Variants in SLC35F3 observed in about 807,000 individuals in gnomAD.
The protein encoded by SLC35F3 is putative thiamine transporter SLC35F3.
A neutral mutation model predicts 49.9 loss-of-function variants in SLC35F3; 25 were observed. The ratio of observed to expected loss-of-function variants is 0.50; its 90% confidence interval spans 0.37 to 0.70. SLC35F3 has a LOEUF of 0.70. SLC35F3 is among the 30% of genes least tolerant of loss of function. SLC35F3 has a pLI of 0.00. For synonymous variants in SLC35F3, 275 were observed against 265.4 expected (o/e 1.04, Z -0.35); for missense variants, 525 against 639.8 (o/e 0.82, Z 1.94).
chr1:234,239,071 C>T (rs1019153533), intron 3 of SLC35F3, among the ~76,000 whole-genome samples: 2 of 152,150 alleles, frequency 1.3e-5, no homozygotes, highest in African/African-American at 2.4e-5. Context: ...GACTTTTATG[C>T]GGTCATGATA....
At chr1:234,155,792 A>AC (rs1553310216) in intron 2 of SLC35F3, among the ~76,000 whole-genome samples, 1 of 150,870 alleles carries the variant, frequency 6.6e-6, no homozygotes, top group African/African-American at 2.4e-5. Context: ...CAAAAAAAAA[A>AC]CCCCAAAAAC....
chr1:234,004,164 T>A lies in SLC35F3; in HGVS notation c.283+98406T>A, dbSNP rs1282586539. ...ACGACAAATGGGAATGTTCTCTACA[T>A]CATTATAACAGCAAAAAATTAGAAA... On this transcript the variant is annotated intron_variant, in intron 2 of 7. Coordinates refer to ENST00000366618, the MANE Select transcript of SLC35F3 (RefSeq NM_173508.4). Among the ~76,000 whole-genome samples the A allele has an allele frequency of 2.0e-5, 3 of 152,262 alleles. No homozygotes were observed. The East Asian group carries it at 5.8e-4, about 29-fold the overall frequency.
At chr1:234,293,804 A>T (rs1570104) in intron 3 of SLC35F3, among the ~76,000 whole-genome samples, 50,836 of 152,144 alleles carry the variant, frequency 0.33, 8,910 homozygotes, top group East Asian at 0.54. Flanking sequence ...GACCCCATCC[A>T]TAAGCATTCT....
chr1:234,015,081 C>T (rs1663780824), intron 2 of SLC35F3, among the ~76,000 whole-genome samples: 2 of 152,178 alleles, frequency 1.3e-5, no homozygotes. Context: ...TACAGTGGCT[C>T]ATGCCTGTAA....
chr1:234,126,586 GCCCTTT>G (rs1441552776), intron 2 of SLC35F3, among the ~76,000 whole-genome samples: 1 of 151,600 alleles, frequency 6.6e-6, no homozygotes, highest in Non-Finnish European at 1.5e-5. Context: ...GCTCCCTCTT[GCCCTTT>G]CATAAGTGCA....
intron 2 of SLC35F3, among the ~76,000 whole-genome samples, chr1:234,059,713 C>T (rs1043693827): frequency 6.6e-6 from 1 of 152,116 alleles, no homozygotes; most frequent in African/African-American, 2.4e-5. Flanking sequence ...TACTTATCAA[C>T]TTACATGATC....
chr1:234,277,462 ATC>A (rs545549114), intron 3 of SLC35F3, among the ~76,000 whole-genome samples: 71 of 152,382 alleles, frequency 4.7e-4, no homozygotes, highest in African/African-American at 1.7e-3. Context: ...CACACTGGCC[ATC>A]TCAGCACGAC....
In SLC35F3 at chr1:234,320,001, C is replaced by T; in HGVS notation, c.1148-97C>T. On this transcript the variant is annotated intron_variant, in intron 6 of 7. Coordinates refer to ENST00000366618, the MANE Select transcript of SLC35F3 (RefSeq NM_173508.4). The surrounding 1 kb of genome is among the most constrained non-coding windows in gnomAD (Gnocchi z 4.8). Reference sequence around the variant, plus strand: ...AGGGTCATTGTAACTCCTATGACTCCAGCCTCATCAGGAAAACCTGGGTCA... The same window carrying T: ...AGGGTCATTGTAACTCCTATGACTCTAGCCTCATCAGGAAAACCTGGGTCA... 1.2e-6 allele frequency: 1 copy of T among 800,194 alleles called. No homozygotes were observed. The highest frequency in any genetic ancestry group is 2.2e-6 in the Non-Finnish European group (1 of 459,188). The allele number at this position is 800,194 out of a possible 1,614,324, so 49.6% of individuals were successfully genotyped here.
chr1:234,123,017 G>C lies in SLC35F3; in HGVS notation c.284-108400G>C, dbSNP rs569332084. Among the ~76,000 whole-genome samples, 14 of 152,130 alleles carry C rather than the reference G, an allele frequency of 9.2e-5. No individual in the cohort carries two copies. The South Asian group carries it at 2.7e-3, about 29-fold the overall frequency. On this transcript the variant is annotated intron_variant, in intron 2 of 7. Transcript: ENST00000366618. ...GATCGCTGGGTCAAATGGTATTTCTGGTTCTAGATCCTTGAGGAATTGCCA... is the reference window on the plus strand; with the variant it reads ...GATCGCTGGGTCAAATGGTATTTCTCGTTCTAGATCCTTGAGGAATTGCCA...
chr1:234,111,580 G>A (rs12728156), intron 2 of SLC35F3, among the ~76,000 whole-genome samples: 52,101 of 152,098 alleles, frequency 0.34, 10,913 homozygotes, highest in East Asian at 0.82. Flanking sequence ...GGCGTGAGCC[G>A]CTGCGCCCGG....
intron 2 of SLC35F3, among the ~76,000 whole-genome samples, chr1:233,977,801 A>G (rs1332594892): frequency 6.6e-6 from 1 of 152,152 alleles, no homozygotes; most frequent in African/African-American, 2.4e-5. Context: ...ATGCAGATAC[A>G]AGTCTTATAA....
chr1:234,169,485 C>T (rs977285702), intron 2 of SLC35F3, among the ~76,000 whole-genome samples: 2 of 152,198 alleles, frequency 1.3e-5, no homozygotes, highest in Non-Finnish European at 1.5e-5. Context: ...TGTGTCACAA[C>T]GGGCAGCCAG....
intron 2 of SLC35F3, among the ~76,000 whole-genome samples, chr1:234,060,977 A>G (rs1236070137): frequency 1.3e-5 from 2 of 152,188 alleles, no homozygotes; most frequent in African/African-American, 4.8e-5. Context: ...TGCTTTTTAC[A>G]TTACTTACGA....
At chr1:234,199,011 G>C (rs1666856630) in intron 2 of SLC35F3, among the ~76,000 whole-genome samples, 1 of 150,604 alleles carries the variant, frequency 6.6e-6, no homozygotes, top group South Asian at 2.1e-4. Context: ...TTGATTCCAG[G>C]AGTTCAAGCC....
At chr1:233,950,457 TTTCCTTCC>T (rs374073382) in intron 2 of SLC35F3, among the ~76,000 whole-genome samples, 80 of 127,312 alleles carry the variant, frequency 6.3e-4, no homozygotes, top group African/African-American at 1.9e-3. Context: ...TCCTTCCTTC[TTTCCTTCC>T]TTCCTTCCTT....
chr1:233,995,624 G>C (rs1937261), intron 2 of SLC35F3, among the ~76,000 whole-genome samples: 3 of 151,978 alleles, frequency 2.0e-5, no homozygotes, highest in African/African-American at 4.8e-5. Flanking sequence ...GACTTCACGC[G>C]GAGGCTTTTC....
At chr1:234,066,090 G>A (rs376727349) in intron 2 of SLC35F3, among the ~76,000 whole-genome samples, 113 of 152,280 alleles carry the variant, frequency 7.4e-4, no homozygotes, top group Middle Eastern at 3.4e-3. Flanking sequence ...CCAGTAGCTC[G>A]CTGGAGAAAA....
intron 3 of SLC35F3, among the ~76,000 whole-genome samples, chr1:234,233,891 G>A (rs1036616390): frequency 6.6e-6 from 1 of 152,118 alleles, no homozygotes; most frequent in African/African-American, 2.4e-5. Context: ...ATTATAAGCT[G>A]TGTTAGCCCC....
chr1:234,116,351 G>A lies in SLC35F3; in HGVS notation c.284-115066G>A, dbSNP rs142331276. 2.2e-3 allele frequency among the ~76,000 whole-genome samples: 330 copies of A among 152,218 alleles called. 4 individuals carry two copies. The highest frequency in any genetic ancestry group is 7.5e-3 in the African/African-American group (311 of 41,524). ...AATTCAAGGGCTTTAGAAGCTGTGT[G>A]CCAAGACTCAGTCAGGGGAAAAGAC... On this transcript the variant is annotated intron_variant, in intron 2 of 7. Coordinates refer to ENST00000366618, the MANE Select transcript of SLC35F3 (RefSeq NM_173508.4).
Sources: gnomAD v4.1 joint callset for allele counts (sites outside exome capture counted in the v4.1 genomes callset) on GRCh38, gnomAD v4.1.1 for gene constraint, Gnocchi (gnomAD v3.1) non-coding constraint, MANE v1.5 for transcripts, NCBI Gene and HGNC (gene_info 2026-07-23, HGNC 2026-07-21) for gene names.